CATIP: variants seen among roughly 807,000 people sequenced by gnomAD.
CATIP encodes ciliogenesis associated TTC17 interacting protein.
In CATIP, 40 loss-of-function variants were observed where a neutral mutation model predicts 42.5. The ratio of observed to expected loss-of-function variants is 0.94; its 90% confidence interval spans 0.73 to 1.22. The LOEUF (loss-of-function observed/expected upper bound fraction) is 1.22. Among genes scored for constraint, CATIP ranks in the 50% most tolerant of loss-of-function variants. CATIP has a pLI of 0.00. For missense variants in CATIP, 489 were observed against 496.0 expected, an observed-to-expected ratio of 0.99 and a Z score of 0.13; for synonymous variants, 222 against 200.2, an observed-to-expected ratio of 1.11 and a Z score of -0.92.
In CATIP at chr2:218,357,117, G is replaced by A. The variant is rs1695042628; in HGVS notation, c.48G>A (p.Gln16=). The A allele has an allele frequency of 6.8e-6, 11 of 1,613,832 alleles. No homozygotes were observed. The East Asian group carries it at 2.2e-4, about 33-fold the overall frequency. ...YSTGSRAKDH[Q]PSGPECLPLP... Reference sequence around the variant, plus strand: ...TAGGCTCCAGAGCTAAGGACCACCAGCCCTCGGGTCCGGAGTGTCTGCCAC... The same window carrying A: ...TAGGCTCCAGAGCTAAGGACCACCAACCCTCGGGTCCGGAGTGTCTGCCAC... Residue 16 remains glutamine, a synonymous_variant, in exon 2 of 10, where the codon CAG becomes CAA. Coordinates refer to ENST00000289388, the MANE Select transcript of CATIP (RefSeq NM_198559.2).
chr2:218,367,660 C>T lies in CATIP; in HGVS notation c.922-62C>T, dbSNP rs1040064760. 5 of 1,574,092 alleles carry T rather than the reference C, an allele frequency of 3.2e-6. No homozygotes were observed. In the East Asian group the frequency reaches 9.2e-5, roughly 29 times the overall value. ...CCTTAGCTCTCCTTGGAGCGAGCGG[C>T]TGGGGGCTCCTGGGGCGCGGGGGTC... On this transcript the variant is annotated intron_variant, in intron 9 of 9. Transcript: ENST00000289388.
intron 5 of CATIP, among the ~76,000 whole-genome samples, chr2:218,361,520 G>A (rs751939916): frequency 6.6e-5 from 10 of 152,150 alleles, no homozygotes; most frequent in Non-Finnish European, 5.9e-5. Context: ...ACATGCTATG[G>A]GGGTTAGAAA....
In CATIP at chr2:218,360,659, G is replaced by A. The variant is rs760206275; in HGVS notation, c.462G>A (p.Glu154=). The change falls in exon 5 of 10, where the codon GAG becomes GAA. Residue 154 remains glutamate (E), a splice_region_variant and synonymous_variant. Transcript: ENST00000289388. The part of the protein sequence containing the change: ...LAVTRSIKEG[E]EVKTGVTSFP... The stretch of plus-strand genomic sequence containing the variant: ...TGACCAGAAGTATCAAGGAGGGTGA[G>A]GTAAGGATGAGAGCCAGATGGGAGT... 1.9e-6 allele frequency: 3 copies of A among 1,612,162 alleles called. No individual in the cohort carries two copies. Among genetic ancestry groups the A allele is most frequent in the East Asian group, 2.2e-5 (1 of 44,868 alleles).
chr2:218,361,102 A>T (rs1008557446), intron 5 of CATIP, among the ~76,000 whole-genome samples: 8 of 152,132 alleles, frequency 5.3e-5, no homozygotes, highest in South Asian at 2.1e-4. Flanking sequence ...AAGTGCTGGG[A>T]TTACAGGCGT....
Position 218,368,000 on chromosome 2 carries a change from G to A in CATIP, c.*36G>A, listed in dbSNP as rs931885558. On this transcript the variant is annotated 3_prime_UTR_variant, in exon 10 of 10. Transcript: ENST00000289388. ...GGCCCGGACAGGGCAGGAAACCAGGGGTCGGGCTGGGACGCGGGCGGGACG... is the reference window on the plus strand; with the variant it reads ...GGCCCGGACAGGGCAGGAAACCAGGAGTCGGGCTGGGACGCGGGCGGGACG... The A allele has an allele frequency of 2.0e-6, 3 of 1,490,842 alleles. No individual in the cohort carries two copies. The highest frequency in any genetic ancestry group is 2.5e-5 in the East Asian group (1 of 39,816). 92.4% of individuals were successfully genotyped at this position (1,490,842 alleles called of 1,614,324 possible). A position where few individuals can be genotyped will look rare whatever the true frequency, so the allele number is the denominator to read the frequency against.
chr2:218,365,189 C>T (rs1280745352), intron 7 of CATIP, among the ~76,000 whole-genome samples: 2 of 152,084 alleles, frequency 1.3e-5, no homozygotes, highest in South Asian at 2.1e-4. Context: ...CTGAGGCGGG[C>T]GGATCATGAG....
intron 4 of CATIP, among the ~76,000 whole-genome samples, chr2:218,358,441 G>C (rs1050831787): frequency 6.6e-6 from 1 of 152,042 alleles, no homozygotes; most frequent in Admixed American, 6.6e-5. Flanking sequence ...CACGCCTGTA[G>C]TCCCAGCTAC....
chr2:218,362,732 C>T lies in CATIP; in HGVS notation c.463-3C>T, dbSNP rs1475228231. 1.2e-6 allele frequency: 2 copies of T among 1,613,726 alleles called. No individual in the cohort carries two copies. Among genetic ancestry groups the T allele is most frequent in the South Asian group, 1.1e-5 (1 of 91,034 alleles). On this transcript the variant is annotated splice_polypyrimidine_tract_variant and splice_region_variant and intron_variant, in intron 5 of 9. Transcript: ENST00000289388. Reference sequence around the variant, plus strand: ...GACCCTGACCCAGATCAGTTCTGAACAGGAAGTGAAGACTGGAGTGACTTC... The same window carrying T: ...GACCCTGACCCAGATCAGTTCTGAATAGGAAGTGAAGACTGGAGTGACTTC...
chr2:218,367,626 T>C, intron 9 of CATIP, 96 bp from the exon 10 acceptor site: 1 of 1,594,978 alleles, frequency 6.3e-7, no homozygotes, highest in East Asian at 2.2e-5. Context: ...GCTAGAAGGC[T>C]CCAGCGCCCC....
intron 2 of CATIP, 157 bp from the exon 3 acceptor site, chr2:218,357,377 T>A (rs1260269296): frequency 5.5e-6 from 4 of 724,346 alleles, no homozygotes; most frequent in Non-Finnish European, 6.8e-6. Flanking sequence ...CATGGGGACA[T>A]GGGGCAGGAG....
Position 218,358,066 on chromosome 2 carries a change from G to C in CATIP, c.349G>C (p.Glu117Gln). ...TCTCTCAGAGAAGCTGGAGCTCATG[G>C]AACAGCACAGCCAAGACTTCATCAA... is the stretch of plus-strand genomic sequence containing the variant. ...GYLSEKLELMEQHSQDFIKFL... is the reference protein window; with the variant it reads ...GYLSEKLELMQQHSQDFIKFL... The change falls in exon 4 of 10, where the codon GAA becomes CAA. Residue 117 changes from glutamate (E) to glutamine (Q), a missense_variant. Transcript: ENST00000289388. 2 of 1,614,076 alleles carry C rather than the reference G, an allele frequency of 1.2e-6. No homozygotes were observed. Among genetic ancestry groups the C allele is most frequent in the South Asian group, 2.2e-5 (2 of 91,072 alleles).
Position 218,367,844 on chromosome 2 carries a change from C to G in CATIP, c.1044C>G (p.Ala348=), listed in dbSNP as rs148283722. Residue 348 remains alanine (A), a synonymous_variant, in exon 10 of 10, where the codon GCC becomes GCG. Transcript: ENST00000289388. ...RQPEDVVTFA[A]EFFGPFDPWR... Reference sequence around the variant, plus strand: ...CGGAGGACGTGGTCACCTTCGCCGCCGAGTTCTTCGGCCCCTTCGACCCGT... The same window carrying G: ...CGGAGGACGTGGTCACCTTCGCCGCGGAGTTCTTCGGCCCCTTCGACCCGT... 3 of 1,613,054 alleles carry G rather than the reference C, an allele frequency of 1.9e-6. No homozygotes were observed. The highest frequency in any genetic ancestry group is 2.2e-5 in the East Asian group (1 of 44,884).
intron 4 of CATIP, among the ~76,000 whole-genome samples, chr2:218,359,364 A>AAAAAAAAAAAAG (rs1695155999): frequency 2.8e-5 from 4 of 144,668 alleles, no homozygotes; most frequent in African/African-American, 1.0e-4. Context: ...AAAAAAAAAA[A>AAAAAAAAAAAAG]TGTTGGGGAT....
At chr2:218,367,180 C>A in intron 8 of CATIP, 80 bp downstream of exon 8, 1 of 1,108,712 alleles carries the variant, frequency 9.0e-7, no homozygotes, top group Non-Finnish European at 1.3e-6. Context: ...ATGCAGGGGG[C>A]TGGACCCAGT....
At chr2:218,358,167 C>T in intron 4 of CATIP, 75 bp downstream of exon 4, 1 of 1,239,322 alleles carries the variant, frequency 8.1e-7, no homozygotes, top group Non-Finnish European at 1.2e-6. Flanking sequence ...ACAGCAGCAA[C>T]AACAAACCAA....
chr2:218,367,633 C>G, intron 9 of CATIP, 89 bp from the exon 10 acceptor site: 7 of 1,588,740 alleles, frequency 4.4e-6, no homozygotes, highest in Non-Finnish European at 6.0e-6. Context: ...GGCTCCAGCG[C>G]CCCTTAGCTC....
At chr2:218,363,296 T>TGC (rs1695302719) in intron 6 of CATIP, among the ~76,000 whole-genome samples, 1 of 142,108 alleles carries the variant, frequency 7.0e-6, no homozygotes, top group Non-Finnish European at 1.5e-5. Context: ...CTGGCTAACA[T>TGC]GGTGAAACCC....
intron 3 of CATIP, 134 bp downstream of exon 3, chr2:218,357,868 G>A (rs992065921): frequency 9.0e-7 from 1 of 1,109,732 alleles, no homozygotes; most frequent in Non-Finnish European, 1.4e-6. Flanking sequence ...GGGTGGGAGA[G>A]GGATGAGCGA....
intron 5 of CATIP, among the ~76,000 whole-genome samples, chr2:218,360,930 A>G (rs1222110812): frequency 6.6e-6 from 1 of 150,978 alleles, no homozygotes; most frequent in Non-Finnish European, 1.5e-5. Flanking sequence ...TCCCGGGTTC[A>G]AGTGATTCTC....
Sources: allele counts gnomAD v4.1 joint callset (sites outside exome capture counted in the v4.1 genomes callset), GRCh38; gene constraint gnomAD v4.1.1; transcripts MANE v1.5; gene names NCBI Gene and HGNC (gene_info 2026-07-23, HGNC 2026-07-21).